Variants in CA10 observed in about 807,000 individuals in gnomAD.
CA10 encodes the protein carbonic anhydrase 10 (inactive).
Under a neutral mutation model 44.2 loss-of-function variants are expected in CA10, and 14 were observed. That is an observed-to-expected ratio of 0.32 (90% CI 0.21 to 0.50). CA10 has a LOEUF of 0.50. Among genes scored for constraint, CA10 ranks in the 20% least tolerant of loss-of-function variants. CA10 has a pLI of 0.99. For synonymous variants in CA10, 159 were observed against 141.6 expected, an observed-to-expected ratio of 1.12 and a Z score of -0.87; for missense variants, 350 against 409.7, an observed-to-expected ratio of 0.85 and a Z score of 1.26.
chr17:52,092,140 G>A (rs570788035), intron 1 of CA10, among the ~76,000 whole-genome samples: 5 of 151,894 alleles, frequency 3.3e-5, no homozygotes, highest in Non-Finnish European at 5.9e-5. Context: ...CTCCCTCTTC[G>A]TGTGCATTTC....
At chr17:51,962,735 G>A (rs149093221) in intron 2 of CA10, among the ~76,000 whole-genome samples, 408 of 152,092 alleles carry the variant, frequency 2.7e-3, no homozygotes, top group African/African-American at 9.3e-3. Flanking sequence ...GAAAAAACCC[G>A]CTAATGATAT....
intron 4 of CA10, among the ~76,000 whole-genome samples, chr17:51,657,681 T>C (rs886077): frequency 0.96 from 146,867 of 152,294 alleles, 70,919 homozygotes; most frequent in Non-Finnish European, 0.99. Context: ...TTTTGAATAA[T>C]TTAGATGGGC....
intron 4 of CA10, among the ~76,000 whole-genome samples, chr17:51,697,521 T>G (rs968192343): frequency 1.3e-5 from 2 of 152,154 alleles, no homozygotes; most frequent in South Asian, 4.1e-4. Context: ...TTCTGTATCC[T>G]CCTCCTGCCA....
At chr17:51,807,114 T>C (rs1017195159) in intron 3 of CA10, among the ~76,000 whole-genome samples, 7 of 152,232 alleles carry the variant, frequency 4.6e-5, no homozygotes, top group African/African-American at 1.7e-4. Context: ...TTTTGTTGGC[T>C]AGTGGCTCTT....
At chr17:51,815,000 G>A (rs879402444) in intron 3 of CA10, among the ~76,000 whole-genome samples, 1 of 152,176 alleles carries the variant, frequency 6.6e-6, no homozygotes, top group African/African-American at 2.4e-5. Context: ...CTGGTGTCTT[G>A]TTGGCTTTTC....
In CA10 at chr17:51,778,587, G is replaced by A. The variant is rs575979151; in HGVS notation, c.280-30769C>T. Among the ~76,000 whole-genome samples, 32 of 152,324 alleles carry A rather than the reference G, an allele frequency of 2.1e-4. 1 individual carries two copies. Among genetic ancestry groups the A allele is most frequent in the African/African-American group, 7.7e-4 (32 of 41,586 alleles). ...AACACACCTTGACCACATGGTAATAGTCCTGATGGCTGTAAAATCACATCT... is the reference window on the plus strand; with the variant it reads ...AACACACCTTGACCACATGGTAATAATCCTGATGGCTGTAAAATCACATCT... On this transcript the variant is annotated intron_variant, in intron 3 of 8. Transcript: ENST00000451037.
At chr17:52,021,868 C>T (rs1004359430) in intron 2 of CA10, among the ~76,000 whole-genome samples, 1 of 152,120 alleles carries the variant, frequency 6.6e-6, no homozygotes, top group South Asian at 2.1e-4. Context: ...AATAGAAACC[C>T]TGAACAGAAC....
At chr17:52,058,928 T>C (rs1987302853) in intron 2 of CA10, among the ~76,000 whole-genome samples, 1 of 152,168 alleles carries the variant, frequency 6.6e-6, no homozygotes, top group Non-Finnish European at 1.5e-5. Flanking sequence ...TTATTCTGAT[T>C]TGTATACCTA....
chr17:51,928,575 C>T (rs769989167), intron 3 of CA10, among the ~76,000 whole-genome samples: 7 of 152,068 alleles, frequency 4.6e-5, no homozygotes, highest in Non-Finnish European at 7.4e-5. Context: ...AAGAATAATG[C>T]TTGTGGATAA....
rs1267006189 is a variant in CA10, at chr17:51,638,287, C to A, written c.635-2278G>T. Among the ~76,000 whole-genome samples, 3 of 152,350 alleles carry A rather than the reference C, an allele frequency of 2.0e-5. No individual in the cohort carries two copies. In the East Asian group the frequency reaches 5.8e-4, roughly 29 times the overall value. ...CTACTCCCTTGATGGGGTAAGGGAA[C>A]CCCTCCAGGGTTCCATCCACCAAAG... On this transcript the variant is annotated intron_variant, in intron 6 of 8. Transcript: ENST00000451037.
At chr17:51,814,108 C>T (rs961498491) in intron 3 of CA10, among the ~76,000 whole-genome samples, 1 of 152,180 alleles carries the variant, frequency 6.6e-6, no homozygotes, top group Non-Finnish European at 1.5e-5. Flanking sequence ...GCATGATCTT[C>T]GGCAAGACCT....
At chr17:51,646,831 A>G (rs1244275730) in intron 6 of CA10, among the ~76,000 whole-genome samples, 2 of 152,228 alleles carry the variant, frequency 1.3e-5, no homozygotes, top group Admixed American at 6.5e-5. Context: ...GGTCATTCTC[A>G]TGAATCGGCC....
At chr17:51,695,522 A>G (rs934088112) in intron 4 of CA10, among the ~76,000 whole-genome samples, 4 of 152,126 alleles carry the variant, frequency 2.6e-5, no homozygotes, top group Admixed American at 2.6e-4. Context: ...TTGATTTTGT[A>G]TCCTGAAACC....
At chr17:51,893,164 T>C (rs1470361456) in intron 3 of CA10, among the ~76,000 whole-genome samples, 1 of 152,110 alleles carries the variant, frequency 6.6e-6, no homozygotes, top group African/African-American at 2.4e-5. Flanking sequence ...TAAACAAATA[T>C]GTGATATCCT....
chr17:52,143,249 G>A (rs1430627877), intron 1 of CA10, among the ~76,000 whole-genome samples: 3 of 152,082 alleles, frequency 2.0e-5, no homozygotes, highest in Non-Finnish European at 4.4e-5. Flanking sequence ...TATTTTAGGA[G>A]GATGTTGCTT....
intron 6 of CA10, among the ~76,000 whole-genome samples, chr17:51,639,485 C>A (rs980317197): frequency 6.6e-6 from 1 of 152,084 alleles, no homozygotes; most frequent in East Asian, 1.9e-4. Context: ...AAAGGTTATG[C>A]TCAGGGATTT....
intron 1 of CA10, among the ~76,000 whole-genome samples, chr17:52,144,013 A>G (rs1989534580): frequency 6.6e-6 from 1 of 152,334 alleles, no homozygotes; most frequent in Admixed American, 6.5e-5. Context: ...CCATACTGCA[A>G]TCTCAGGAAT....
rs74458511 is a variant in CA10, at chr17:52,102,312, T to C, written c.62-29919A>G. On this transcript the variant is annotated intron_variant, in intron 1 of 8. Coordinates refer to ENST00000451037, the MANE Select transcript of CA10 (RefSeq NM_020178.5). ...ATGTCCTTGAGGTCTCTACCTTTTC[T>C]CATCTCCTTAGTAAACAACTTTGCT... Among the ~76,000 whole-genome samples the C allele has an allele frequency of 3.0e-3, 462 of 152,336 alleles. 1 individual carries two copies. The Middle Eastern group carries it at 0.041, about 13-fold the overall frequency.
At chr17:51,858,205 T>C (rs1457505617) in intron 3 of CA10, among the ~76,000 whole-genome samples, 1 of 152,086 alleles carries the variant, frequency 6.6e-6, no homozygotes, top group Non-Finnish European at 1.5e-5. Context: ...TTGGAGAAGA[T>C]TAAAAATAAA....
Sources: allele counts gnomAD v4.1 joint callset (sites outside exome capture counted in the v4.1 genomes callset), GRCh38; gene constraint gnomAD v4.1.1; transcripts MANE v1.5; gene names NCBI Gene and HGNC (gene_info 2026-07-23, HGNC 2026-07-21).